Variants in MTCL3 observed in about 807,000 individuals in gnomAD.
MTCL3 encodes MTCL family member 3, also known as microtubule cross-linking factor 3.
chr6:127,509,380 C>T, the MTCL3 span, among the ~76,000 whole-genome samples: 1 of 152,154 alleles, frequency 6.6e-6, no homozygotes, highest in South Asian at 2.1e-4. Flanking sequence ...GTGCAGCCAC[C>T]AGTCCTGAGA....
At chr6:127,494,487 T>A in the MTCL3 span, among the ~76,000 whole-genome samples, 1 of 152,120 alleles carries the variant, frequency 6.6e-6, no homozygotes, top group African/African-American at 2.4e-5. Flanking sequence ...TGTGAAAACA[T>A]CCCCTTTAAA....
chr6:127,498,428 A>G, the MTCL3 span, among the ~76,000 whole-genome samples: 1 of 152,152 alleles, frequency 6.6e-6, no homozygotes, highest in Non-Finnish European at 1.5e-5. Flanking sequence ...AAGATATACA[A>G]TCAGTATTGA....
At chr6:127,502,580 T>G in the MTCL3 span, among the ~76,000 whole-genome samples, 1 of 152,090 alleles carries the variant, frequency 6.6e-6, no homozygotes, top group Non-Finnish European at 1.5e-5. Context: ...CATGAAAAAA[T>G]GGAAAGAAAA....
the MTCL3 span, among the ~76,000 whole-genome samples, chr6:127,496,637 T>C: frequency 6.6e-5 from 10 of 152,366 alleles, no homozygotes; most frequent in African/African-American, 2.4e-4. Flanking sequence ...CCTAGCAGCA[T>C]TGTTCATAAT....
chr6:127,483,496 G>T, the MTCL3 span, among the ~76,000 whole-genome samples: 2 of 152,154 alleles, frequency 1.3e-5, no homozygotes, highest in African/African-American at 2.4e-5. Flanking sequence ...GATAGGGCAT[G>T]GTAGGGGTTG....
chr6:127,515,685 T>A, the MTCL3 span: 1 of 1,539,796 alleles, frequency 6.5e-7, no homozygotes, highest in East Asian at 2.4e-5. This position sits in a 1 kb window ranked among gnomAD's most constrained non-coding sequence, Gnocchi z 4.3. Context: ...CCGCCGCCAT[T>A]GGGGAGGCGG....
chr6:127,480,829 C>A, the MTCL3 span, among the ~76,000 whole-genome samples: 1 of 152,092 alleles, frequency 6.6e-6, no homozygotes, highest in South Asian at 2.1e-4. Flanking sequence ...TAAAAATTGA[C>A]CATTTTATAA....
the MTCL3 span, among the ~76,000 whole-genome samples, chr6:127,486,413 A>T: frequency 6.6e-6 from 1 of 152,168 alleles, no homozygotes; most frequent in Non-Finnish European, 1.5e-5. Context: ...AGACATTTCT[A>T]TGGATACAGA....
At chr6:127,476,105 A>C in the MTCL3 span, 1 of 1,614,074 alleles carries the variant, frequency 6.2e-7, no homozygotes, top group South Asian at 1.1e-5. This position sits in a 1 kb window ranked among gnomAD's most constrained non-coding sequence, Gnocchi z 4.4. Context: ...TCCGACAGGG[A>C]TTCGCTCTGC....
At chr6:127,514,817 G>A in the MTCL3 span, 12 of 1,606,530 alleles carry the variant, frequency 7.5e-6, no homozygotes, top group Non-Finnish European at 1.0e-5. Context: ...CCCCCGCGCC[G>A]CAGACCTTGA....
chr6:127,476,153 C>A, the MTCL3 span: 1 of 1,614,166 alleles, frequency 6.2e-7, no homozygotes, highest in Non-Finnish European at 8.5e-7. This position sits in a 1 kb window ranked among gnomAD's most constrained non-coding sequence, Gnocchi z 4.4. Flanking sequence ...TTGAAGTCAT[C>A]GCCCCTAAGG....
the MTCL3 span, among the ~76,000 whole-genome samples, chr6:127,479,649 AAAC>A: frequency 6.6e-6 from 1 of 152,238 alleles, no homozygotes; most frequent in East Asian, 1.9e-4. Flanking sequence ...AAAGGAATGA[AAAC>A]AACAATTATT....
the MTCL3 span, chr6:127,473,301 TA>T: frequency 6.5e-7 from 1 of 1,540,210 alleles, no homozygotes; most frequent in Non-Finnish European, 8.7e-7. Flanking sequence ...AAAAACAGTG[TA>T]AAAAGGAAGA....
chr6:127,476,156 C>T, the MTCL3 span: 1 of 1,614,050 alleles, frequency 6.2e-7, no homozygotes, highest in African/African-American at 1.3e-5. This position sits in a 1 kb window ranked among gnomAD's most constrained non-coding sequence, Gnocchi z 4.4. Flanking sequence ...AAGTCATCGC[C>T]CCTAAGGTCG....
chr6:127,498,811 C>T, the MTCL3 span, among the ~76,000 whole-genome samples: 4 of 151,902 alleles, frequency 2.6e-5, no homozygotes, highest in Non-Finnish European at 5.9e-5. Context: ...TGAAAGAAGC[C>T]AGGTACAAAA....
the MTCL3 span, among the ~76,000 whole-genome samples, chr6:127,491,878 CA>C: frequency 0.13 from 7,858 of 60,848 alleles, 464 homozygotes; most frequent in East Asian, 0.58. Context: ...GACCCTGTCT[CA>C]AAAAAAAAAA....
chr6:127,483,277 A>G, the MTCL3 span, among the ~76,000 whole-genome samples: 1 of 152,256 alleles, frequency 6.6e-6, no homozygotes, highest in Non-Finnish European at 1.5e-5. Context: ...TGTTGACTCA[A>G]TATGATATAT....
chr6:127,503,781 G>A, the MTCL3 span, among the ~76,000 whole-genome samples: 2 of 152,168 alleles, frequency 1.3e-5, no homozygotes, highest in Non-Finnish European at 2.9e-5. Context: ...TGGAAGTGGG[G>A]TGAGGCTGGA....
At chr6:127,481,303 GTGAGT>G in the MTCL3 span, 1 of 985,338 alleles carries the variant, frequency 1.0e-6, no homozygotes, top group African/African-American at 1.7e-5. Context: ...AATATTTAGA[GTGAGT>G]TGGATAAAGT....
Sources: allele counts gnomAD v4.1 joint callset (sites outside exome capture counted in the v4.1 genomes callset), GRCh38; gene constraint gnomAD v4.1.1; non-coding constraint Gnocchi (gnomAD v3.1); transcripts MANE v1.5; gene names NCBI Gene and HGNC (gene_info 2026-07-23, HGNC 2026-07-21).